CDH23: variants seen among roughly 807,000 people sequenced by gnomAD.
CDH23 encodes cadherin-23.
In CDH23, 189 loss-of-function variants were observed where a neutral mutation model predicts 317.1. That is an observed-to-expected ratio of 0.60 (90% CI 0.53 to 0.67). CDH23 has a LOEUF of 0.67. Ranked by LOEUF, CDH23 falls within the 30% of genes least tolerant of loss-of-function variation. The probability of loss-of-function intolerance (pLI) is 0.00; values close to 1 mark genes in which losing one functional copy is unlikely to be tolerated. For synonymous variants in CDH23, 1,839 were observed against 1,876.8 expected (o/e 0.98, Z 0.52); for missense variants, 4,401 against 4,592.4 (o/e 0.96, Z 1.20).
chr10:71,406,135 C>G lies in CDH23; in HGVS notation c.-6+8817C>G, dbSNP rs558775434. ...GGCTCAAGTGATCTTCCCACCTGAG[C>G]CTCCCAAGATGTGTCTCCCTATCTC... On this transcript the variant is annotated intron_variant, in intron 1 of 69. Transcript: ENST00000224721. Among the ~76,000 whole-genome samples the G allele has an allele frequency of 3.4e-4, 51 of 151,982 alleles. 2 individuals carry two copies. The South Asian group carries it at 0.01, about 31-fold the overall frequency.
chr10:71,760,010 TACAC>T (rs1274523860), intron 38 of CDH23, among the ~76,000 whole-genome samples: 5 of 96,564 alleles, frequency 5.2e-5, no homozygotes, highest in African/African-American at 7.8e-5. Context: ...TACATATATA[TACAC>T]ACACACATAT....
At chr10:71,674,979 G>T (rs1420883089) in intron 14 of CDH23, 133 bp from the exon 15 acceptor site, 6 of 761,848 alleles carry the variant, frequency 7.9e-6, no homozygotes, top group Middle Eastern at 2.5e-4. Flanking sequence ...CTTTCACCAG[G>T]CCTCACTGGG....
chr10:71,501,452 T>C (rs1853328910), intron 3 of CDH23, among the ~76,000 whole-genome samples: 1 of 152,082 alleles, frequency 6.6e-6, no homozygotes, highest in South Asian at 2.1e-4. Flanking sequence ...CTGATGACAG[T>C]GAGGGCGTCG....
chr10:71,797,375 G>A (rs1318572187), intron 49 of CDH23, among the ~76,000 whole-genome samples, 155 bp downstream of exon 49: 1 of 152,150 alleles, frequency 6.6e-6, no homozygotes, highest in Admixed American at 6.5e-5. Flanking sequence ...GGCATGAAAG[G>A]TGGCAGCCAC....
intron 14 of CDH23, among the ~76,000 whole-genome samples, chr10:71,667,359 A>AGTGTGTGT (rs67337082): frequency 0.011 from 1,193 of 112,008 alleles, 11 homozygotes; most frequent in South Asian, 0.028. Flanking sequence ...AGAGAGAGAG[A>AGTGTGTGT]GTGTGTGTGT....
At chr10:71,606,383 C>G (rs1310704912) in intron 9 of CDH23, among the ~76,000 whole-genome samples, 2 of 152,200 alleles carry the variant, frequency 1.3e-5, no homozygotes. Flanking sequence ...ATTACAGCCC[C>G]AACTGGAATT....
chr10:71,585,640 A>C (rs1357805021), intron 9 of CDH23, among the ~76,000 whole-genome samples: 1 of 152,140 alleles, frequency 6.6e-6, no homozygotes. Flanking sequence ...ATAATGCATC[A>C]CACCAACACT....
rs182567195 is a variant in CDH23 at position 71,430,375 on chromosome 10, T to A, written c.-5-9452T>A. Reference sequence around the variant, plus strand: ...CTCATTGTTGGTGGTGGAGGGGGTATAACTTGGTGCACCCTCTTTGGAGGG... The same window carrying A: ...CTCATTGTTGGTGGTGGAGGGGGTAAAACTTGGTGCACCCTCTTTGGAGGG... On this transcript the variant is annotated intron_variant, in intron 1 of 69. Transcript: ENST00000224721. Among the ~76,000 whole-genome samples the A allele has an allele frequency of 2.7e-3, 409 of 152,070 alleles. 1 individual carries two copies. The highest frequency in any genetic ancestry group is 9.6e-3 in the African/African-American group (397 of 41,490).
At chr10:71,560,684 G>A (rs1475612566) in intron 6 of CDH23, among the ~76,000 whole-genome samples, 1 of 152,050 alleles carries the variant, frequency 6.6e-6, no homozygotes, top group Non-Finnish European at 1.5e-5. Context: ...TGGGAGGGCA[G>A]AATCCCACTA....
chr10:71,808,128 AG>A (rs1841796638), intron 60 of CDH23, 121 bp downstream of exon 60: 1 of 1,192,068 alleles, frequency 8.4e-7, no homozygotes, highest in Admixed American at 2.1e-5. Context: ...CCCCCCAGCC[AG>A]CCACACCAAT....
At chr10:71,666,377 A>G (rs1665628) in intron 14 of CDH23, among the ~76,000 whole-genome samples, 87,234 of 151,766 alleles carry the variant, frequency 0.57, 25,928 homozygotes, top group South Asian at 0.78. Flanking sequence ...GTCACACAAA[A>G]TGCAATGGGA....
intron 9 of CDH23, among the ~76,000 whole-genome samples, chr10:71,600,005 T>C (rs1860112807): frequency 1.4e-5 from 2 of 146,654 alleles, no homozygotes; most frequent in African/African-American, 5.0e-5. Flanking sequence ...TTTTTTTTTT[T>C]TTTTTTTTTT....
intron 16 of CDH23, among the ~76,000 whole-genome samples, chr10:71,678,352 CG>C (rs1864462690): frequency 6.6e-6 from 1 of 152,152 alleles, no homozygotes; most frequent in Admixed American, 6.5e-5. Context: ...AAGACATAGT[CG>C]GGTAGCAGAG....
intron 3 of CDH23, among the ~76,000 whole-genome samples, chr10:71,465,587 A>G (rs1263635291): frequency 6.6e-6 from 1 of 152,206 alleles, no homozygotes; most frequent in Non-Finnish European, 1.5e-5. Context: ...CGTGGCTGAT[A>G]GGCCCACCCC....
intron 15 of CDH23, among the ~76,000 whole-genome samples, chr10:71,675,805 T>C (rs1864337491): frequency 6.6e-6 from 1 of 152,104 alleles, no homozygotes; most frequent in South Asian, 2.1e-4. Flanking sequence ...CATGCCAGCC[T>C]TGCCCCATCA....
At chr10:71,412,636 G>A (rs544277545) in intron 1 of CDH23, among the ~76,000 whole-genome samples, 13 of 152,258 alleles carry the variant, frequency 8.5e-5, no homozygotes, top group Admixed American at 8.5e-4. Context: ...AGCTTCCCAA[G>A]TAGCTGGGCC....
rs1847602058 is a variant in CDH23, at chr10:71,397,983, G to C, written c.-6+665G>C. 6.6e-6 allele frequency among the ~76,000 whole-genome samples: 1 copy of C among 152,202 alleles called. No individual in the cohort carries two copies. Among genetic ancestry groups the C allele is most frequent in the Non-Finnish European group, 1.5e-5 (1 of 68,032 alleles). On this transcript the variant is annotated intron_variant, in intron 1 of 69. Transcript: ENST00000224721. The surrounding 1 kb of genome is among the most constrained non-coding windows in gnomAD (Gnocchi z 4.8). The stretch of plus-strand genomic sequence containing the variant: ...CCTGGCCCTGGAACTGGTCCGCTAC[G>C]AGCGGTGCTGGCTGCCCCCAGGAGC...
intron 8 of CDH23, among the ~76,000 whole-genome samples, chr10:71,575,539 G>A (rs888147400): frequency 2.0e-5 from 3 of 152,102 alleles, no homozygotes; most frequent in Non-Finnish European, 4.4e-5. Flanking sequence ...ATTACAAACA[G>A]CGGGGCCCCT....
intron 28 of CDH23, 21 bp from the exon 29 acceptor site, chr10:71,724,024 T>G (rs1431782545): frequency 6.4e-7 from 1 of 1,554,040 alleles, no homozygotes; most frequent in South Asian, 1.2e-5. Flanking sequence ...AAGAAGTAAC[T>G]CGTGTCTCAT....
Sources: gnomAD v4.1 joint callset for allele counts (sites outside exome capture counted in the v4.1 genomes callset) on GRCh38, gnomAD v4.1.1 for gene constraint, Gnocchi (gnomAD v3.1) non-coding constraint, MANE v1.5 for transcripts, NCBI Gene and HGNC (gene_info 2026-07-23, HGNC 2026-07-21) for gene names.